MYBL2: variants seen among roughly 807,000 people sequenced by gnomAD.
MYBL2 encodes the protein myb-related protein B.
MYBL2 carries 28 observed loss-of-function variants against 79.9 expected under a neutral mutation model. The ratio of observed to expected loss-of-function variants is 0.35; its 90% CI spans 0.26 to 0.48. MYBL2 has a LOEUF of 0.48. MYBL2 is among the 20% of genes least tolerant of loss of function. The pLI is 0.99. For missense variants in MYBL2, 735 were observed against 893.9 expected (o/e 0.82, Z 2.27); for synonymous variants, 378 against 361.2 (o/e 1.05, Z -0.53).
chr20:43,676,654 ATGTTT>A (rs1987016687), intron 2 of MYBL2, among the ~76,000 whole-genome samples: 1 of 152,188 alleles, frequency 6.6e-6, no homozygotes, highest in African/African-American at 2.4e-5. Flanking sequence ...TTGCAAATAC[ATGTTT>A]CCCTTTCTTT....
At chr20:43,683,652 C>G (rs950253036) in intron 4 of MYBL2, among the ~76,000 whole-genome samples, 2 of 149,460 alleles carry the variant, frequency 1.3e-5, no homozygotes, top group Non-Finnish European at 3.0e-5. Context: ...CTCCCGGGTT[C>G]AAGCGATTCT....
intron 8 of MYBL2, 67 bp from the exon 9 acceptor site, chr20:43,705,152 C>A (rs910856629): frequency 2.9e-5 from 45 of 1,570,484 alleles, no homozygotes; most frequent in Non-Finnish European, 3.6e-5. Context: ...CCCCATGATC[C>A]CCTGAGGTCT....
At chr20:43,696,628 T>C (rs1279928726) in intron 6 of MYBL2, among the ~76,000 whole-genome samples, 1 of 152,310 alleles carries the variant, frequency 6.6e-6, no homozygotes, top group Non-Finnish European at 1.5e-5. Flanking sequence ...ATTTGCCGTA[T>C]CTTATTTAAC....
intron 4 of MYBL2, among the ~76,000 whole-genome samples, chr20:43,683,200 A>G (rs1987183818): frequency 6.6e-6 from 1 of 152,154 alleles, no homozygotes; most frequent in Non-Finnish European, 1.5e-5. Context: ...TGATGCTTGT[A>G]GGGGGCTTGC....
At position 43,705,215 on chromosome 20, in the gene MYBL2, G is replaced by T. The variant is rs769559073; in HGVS notation, c.1366-4G>T. 7.4e-6 allele frequency: 12 copies of T among 1,613,106 alleles called. No individual in the cohort carries two copies. The Admixed American group carries it at 8.4e-5, about 11-fold the overall frequency. On this transcript the variant is annotated splice_region_variant and splice_polypyrimidine_tract_variant and intron_variant, in intron 8 of 13. Transcript: ENST00000217026. ...TGTCTTGTTCCCTCTCTCTTCTTTG[G>T]CAGTTTCTGAACTTCTGGAACAAAC...
At chr20:43,681,617 C>G (rs1344465941) in intron 2 of MYBL2, among the ~76,000 whole-genome samples, 167 bp from the exon 3 acceptor site, 1 of 152,192 alleles carries the variant, frequency 6.6e-6, no homozygotes, top group Non-Finnish European at 1.5e-5. Context: ...AGGGGCAGCT[C>G]TTTTGCTGCC....
chr20:43,706,719 G>GTGTTTTTTTTTTTTTT (rs1987791193), intron 9 of MYBL2, among the ~76,000 whole-genome samples: 17 of 70,780 alleles, frequency 2.4e-4, no homozygotes, highest in African/African-American at 1.0e-3. Context: ...AAAAAAAAAA[G>GTGTTTTTTTTTTTTTT]TTTTTTTTTT....
intron 8 of MYBL2, among the ~76,000 whole-genome samples, chr20:43,703,479 G>A (rs1385082034): frequency 6.6e-6 from 1 of 152,220 alleles, no homozygotes; most frequent in Non-Finnish European, 1.5e-5. Context: ...ATGGGTGCCA[G>A]GGTCTCTCTG....
At chr20:43,700,601 G>A (rs1032581602) in intron 7 of MYBL2, among the ~76,000 whole-genome samples, 7 of 152,140 alleles carry the variant, frequency 4.6e-5, no homozygotes, top group African/African-American at 1.2e-4. Context: ...GGCCTGCTGT[G>A]TAGAGCGGGT....
chr20:43,711,430 C>A, intron 10 of MYBL2, 58 bp from the exon 11 acceptor site: 1 of 1,276,228 alleles, frequency 7.8e-7, no homozygotes, highest in South Asian at 1.3e-5. Flanking sequence ...CCCACAGTCC[C>A]ACACACACAC....
At position 43,702,533 on chromosome 20, in the gene MYBL2, A is replaced by T; in HGVS notation, c.995A>T (p.Glu332Val). The part of the protein sequence containing the change: ...WCDLSKFDLP[E>V]EPSAEDSINN... ...GACCTGAGTAAATTTGACCTCCCTG[A>T]GGAACCATCTGCAGAGGACAGTATC... Residue 332 changes from glutamate to valine, a missense_variant, in exon 8 of 14, where the codon GAG becomes GTG. Glu to Val is a moderately radical substitution (Grantham distance 121). Coordinates refer to ENST00000217026, the MANE Select transcript of MYBL2 (RefSeq NM_002466.4). 1 of 1,611,666 alleles carries T rather than the reference A, an allele frequency of 6.2e-7. No individual in the cohort carries two copies. Among genetic ancestry groups the T allele is most frequent in the South Asian group, 1.1e-5 (1 of 91,046 alleles).
rs1462221848 is a variant in MYBL2 at position 43,682,781 on chromosome 20, G to A, written c.187-13G>A. The A allele has an allele frequency of 6.2e-7, 1 of 1,613,402 alleles. No homozygotes were observed. Among genetic ancestry groups the A allele is most frequent in the South Asian group, 1.1e-5 (1 of 91,072 alleles). On this transcript the variant is annotated splice_polypyrimidine_tract_variant and intron_variant, in intron 3 of 13. Transcript: ENST00000217026. ...TTCTCACAGATTGGTTTGTTCTTCT[G>A]TTCTTTTCCCAGAACCGCACTGACC...
In MYBL2 at chr20:43,702,546, A is replaced by C; in HGVS notation, c.1008A>C (p.Ala336=). 1 of 1,614,018 alleles carries C rather than the reference A, an allele frequency of 6.2e-7. No homozygotes were observed. The highest frequency in any genetic ancestry group is 8.5e-7 in the Non-Finnish European group (1 of 1,179,882). ...SKFDLPEEPS[A]EDSINNSLVQ... ...TTGACCTCCCTGAGGAACCATCTGC[A>C]GAGGACAGTATCAACAACAGCCTAG... The change falls in exon 8 of 14, where the codon GCA becomes GCC. Residue 336 remains alanine (A), a synonymous_variant. Coordinates refer to ENST00000217026, the MANE Select transcript of MYBL2 (RefSeq NM_002466.4).
intron 6 of MYBL2, among the ~76,000 whole-genome samples, chr20:43,697,385 G>A (rs1987568748): frequency 6.6e-6 from 1 of 152,004 alleles, no homozygotes; most frequent in African/African-American, 2.4e-5. Context: ...TGAAGTGGGC[G>A]GATCACTTGA....
chr20:43,687,078 CT>C lies in MYBL2; in HGVS notation c.500+7del. On this transcript the variant is annotated splice_region_variant and intron_variant, in intron 5 of 13. Transcript: ENST00000217026. ...GCCAAGATGTTGCCAGGGAGGTAAG[CT>C]GTCTTCTTGGGGGTTGGGACAGGTT... 1 of 1,611,686 alleles carries C rather than the reference CT, an allele frequency of 6.2e-7. No individual in the cohort carries two copies. Among genetic ancestry groups the C allele is most frequent in the Non-Finnish European group, 8.5e-7 (1 of 1,179,458 alleles).
In MYBL2 at chr20:43,716,238, C is replaced by CAGCA; in HGVS notation, c.*151_*152insAGCA. Reference sequence around the variant, plus strand: ...AGACTCTCAGGTGGAGGCAACAGGGCCATGTGCTGCCCTGTTGCCGAGCCC... The same window carrying CAGCA: ...AGACTCTCAGGTGGAGGCAACAGGGCAGCACATGTGCTGCCCTGTTGCCGAGCCC... On this transcript the variant is annotated 3_prime_UTR_variant, in exon 14 of 14. Transcript: ENST00000217026. The CAGCA allele has an allele frequency of 8.3e-7, 1 of 1,208,794 alleles. No homozygotes were observed. The highest frequency in any genetic ancestry group is 1.1e-6 in the Non-Finnish European group (1 of 880,776). The allele number at this position is 1,208,794 out of a possible 1,614,324, so 74.9% of individuals were successfully genotyped here.
At chr20:43,681,571 G>A (rs1316906226) in intron 2 of MYBL2, among the ~76,000 whole-genome samples, 1 of 152,212 alleles carries the variant, frequency 6.6e-6, no homozygotes. Context: ...GTTCCTGTGA[G>A]CCTTCCATTG....
rs535146558 is a variant in MYBL2, at chr20:43,678,426, C to A, written c.115-3358C>A. 2.6e-5 allele frequency among the ~76,000 whole-genome samples: 4 copies of A among 152,036 alleles called. No individual in the cohort carries two copies. The East Asian group carries it at 7.7e-4, about 29-fold the overall frequency. ...CTGTAGGATTGTTCAGCTCTCAATG[C>A]AGAGCCAGGTTAGCTTGGTTTTTGG... On this transcript the variant is annotated intron_variant, in intron 2 of 13. Coordinates refer to ENST00000217026, the MANE Select transcript of MYBL2 (RefSeq NM_002466.4).
At chr20:43,698,409 G>A (rs1205113579) in intron 6 of MYBL2, among the ~76,000 whole-genome samples, 2 of 128,032 alleles carry the variant, frequency 1.6e-5, no homozygotes, top group Non-Finnish European at 3.2e-5. Context: ...ACAGAGTCTC[G>A]TTCTGTAGCC....
Sources: gnomAD v4.1 joint callset for allele counts (sites outside exome capture counted in the v4.1 genomes callset) on GRCh38, gnomAD v4.1.1 for gene constraint, MANE v1.5 for transcripts, NCBI Gene and HGNC (gene_info 2026-07-23, HGNC 2026-07-21) for gene names.